PEX14: variants seen among roughly 807,000 people sequenced by gnomAD.
PEX14 encodes the protein peroxisomal membrane protein PEX14.
A neutral mutation model predicts 49.5 loss-of-function variants in PEX14; 15 were observed. The ratio of observed to expected loss-of-function variants is 0.30; its 90% confidence interval spans 0.20 to 0.47. The LOEUF is 0.47. Among genes scored for constraint, PEX14 ranks in the 20% least tolerant of loss-of-function variants. PEX14 has a pLI of 1.00. For missense variants in PEX14, 398 were observed against 494.8 expected (o/e 0.80, Z 1.86); for synonymous variants, 210 against 212.7 (o/e 0.99, Z 0.11).
At chr1:10,562,609 G>T (rs1449030456) in intron 3 of PEX14, among the ~76,000 whole-genome samples, 1 of 152,162 alleles carries the variant, frequency 6.6e-6, no homozygotes, top group African/African-American at 2.4e-5. Context: ...GTGGTATTGT[G>T]TCTTTCCGGC....
Position 10,560,718 on chromosome 1 carries a change from C to CTTTTTT in PEX14, c.169+24433_169+24438dup, listed in dbSNP as rs34964492. ...TTCTTAGTTGTTAACATTTTGCCACCTTTTTTTTTTTTTTTTTGAGACGGA... is the reference window on the plus strand; with the variant it reads ...TTCTTAGTTGTTAACATTTTGCCACCTTTTTTTTTTTTTTTTTTTTTTTGAGACGGA... On this transcript the variant is annotated intron_variant, in intron 3 of 8. Coordinates refer to ENST00000356607, the MANE Select transcript of PEX14 (RefSeq NM_004565.3). 1.5e-4 allele frequency among the ~76,000 whole-genome samples: 20 copies of CTTTTTT among 129,090 alleles called. 3 individuals are homozygous for CTTTTTT. Among genetic ancestry groups the CTTTTTT allele is most frequent in the South Asian group, 2.5e-4 (1 of 3,984 alleles). 84.7% of individuals were successfully genotyped at this position (129,090 alleles called of 152,430 possible). A position where few individuals can be genotyped will look rare whatever the true frequency, so the allele number is the denominator to read the frequency against.
At chr1:10,576,073 G>A (rs1425091217) in intron 3 of PEX14, among the ~76,000 whole-genome samples, 1 of 152,000 alleles carries the variant, frequency 6.6e-6, no homozygotes, top group African/African-American at 2.4e-5. Context: ...ATTTTCTATT[G>A]GGATATTAGT....
At chr1:10,575,221 T>TA (rs1640087832) in intron 3 of PEX14, among the ~76,000 whole-genome samples, 2 of 152,264 alleles carry the variant, frequency 1.3e-5, no homozygotes, top group South Asian at 4.1e-4. Context: ...GAAGATGCAA[T>TA]AATCATGCAA....
Position 10,542,702 on chromosome 1 carries a change from A to G in PEX14, c.169+6405A>G, listed in dbSNP as rs1169333216. 2.0e-5 allele frequency among the ~76,000 whole-genome samples: 3 copies of G among 151,790 alleles called. No homozygotes were observed. The East Asian group carries it at 5.9e-4, about 30-fold the overall frequency. ...CTTTAACCCGGGAGACAAAGGTTGC[A>G]GTGAGCCGAGATCGTGTCACCGCAC... On this transcript the variant is annotated intron_variant, in intron 3 of 8. Coordinates refer to ENST00000356607, the MANE Select transcript of PEX14 (RefSeq NM_004565.3).
intron 7 of PEX14, 31 bp from the exon 8 acceptor site, chr1:10,627,241 C>T (rs773505831): frequency 1.4e-5 from 21 of 1,540,984 alleles, no homozygotes; most frequent in South Asian, 4.5e-5. Context: ...GCAAGGCGCC[C>T]GCCCTGAGCC....
chr1:10,538,585 G>A (rs1023432364), intron 3 of PEX14, among the ~76,000 whole-genome samples: 1 of 152,224 alleles, frequency 6.6e-6, no homozygotes, highest in African/African-American at 2.4e-5. Flanking sequence ...TCCAAGGTTT[G>A]ATCGGTGTCT....
intron 2 of PEX14, among the ~76,000 whole-genome samples, chr1:10,530,159 C>T (rs1278934978): frequency 1.3e-5 from 2 of 152,128 alleles, no homozygotes; most frequent in African/African-American, 2.4e-5. Context: ...AAAATTGCCT[C>T]TTGGTTTTGT....
At chr1:10,553,334 C>G (rs527306342) in intron 3 of PEX14, among the ~76,000 whole-genome samples, 4 of 152,022 alleles carry the variant, frequency 2.6e-5, no homozygotes, top group Non-Finnish European at 5.9e-5. Context: ...AAAGAGTAGA[C>G]CAGGAGTGAG....
In PEX14 at chr1:10,624,493, T is replaced by TCACTCTTG. The variant is rs1641689509; in HGVS notation, c.585+57_585+64dup. 2.5e-6 allele frequency: 3 copies of TCACTCTTG among 1,190,984 alleles called. No individual in the cohort carries two copies. The Admixed American group carries it at 5.1e-5, about 20-fold the overall frequency. 73.8% of individuals were successfully genotyped at this position (1,190,984 alleles called of 1,614,324 possible). The stretch of plus-strand genomic sequence containing the variant: ...GGCCCAGGTCTGTCCCATGTGCCCT[T>TCACTCTTG]CACTCTTGTCCCTTGGGCCGGGCTT... On this transcript the variant is annotated intron_variant, in intron 7 of 8. Transcript: ENST00000356607.
chr1:10,510,170 G>A (rs950782333), intron 2 of PEX14, among the ~76,000 whole-genome samples: 1 of 152,118 alleles, frequency 6.6e-6, no homozygotes, highest in Non-Finnish European at 1.5e-5. Context: ...TGCATCACAC[G>A]GCTCCCTGGT....
intron 3 of PEX14, among the ~76,000 whole-genome samples, chr1:10,585,228 C>T (rs933137774): frequency 2.0e-5 from 3 of 152,060 alleles, no homozygotes; most frequent in South Asian, 2.1e-4. Flanking sequence ...GTGTCTTTTC[C>T]GAGCTATTTA....
chr1:10,542,854 T>C (rs1286904888), intron 3 of PEX14, among the ~76,000 whole-genome samples: 1 of 152,208 alleles, frequency 6.6e-6, no homozygotes, highest in African/African-American at 2.4e-5. Flanking sequence ...AATGGCCCAA[T>C]GAATATTCTT....
At chr1:10,511,735 T>C (rs541467611) in intron 2 of PEX14, among the ~76,000 whole-genome samples, 1 of 152,224 alleles carries the variant, frequency 6.6e-6, no homozygotes, top group Non-Finnish European at 1.5e-5. Context: ...CTCTGACTTC[T>C]GTGGCCTGTG....
chr1:10,581,986 A>G (rs1417374274), intron 3 of PEX14, among the ~76,000 whole-genome samples: 1 of 133,418 alleles, frequency 7.5e-6, no homozygotes, highest in Non-Finnish European at 1.6e-5. Context: ...TTTATGTACT[A>G]TATCTTGCCA....
Position 10,629,393 on chromosome 1 carries a change from C to A in PEX14, c.678-138C>A, listed in dbSNP as rs1223820340. 4 of 699,408 alleles carry A rather than the reference C, an allele frequency of 5.7e-6. No homozygotes were observed. Among genetic ancestry groups the A allele is most frequent in the African/African-American group, 1.7e-5 (1 of 57,238 alleles). The allele number at this position is 699,408 out of a possible 1,614,324, so 43.3% of individuals were successfully genotyped here. ...TCCTGAAAGGAGGGGTGGAAGGGCT[C>A]CATCCTGTCCCTTGCCCAGTGTCCC... On this transcript the variant is annotated intron_variant, in intron 8 of 8. Coordinates refer to ENST00000356607, the MANE Select transcript of PEX14 (RefSeq NM_004565.3). This position sits in a 1 kb window ranked among gnomAD's most constrained non-coding sequence, Gnocchi z 8.5.
intron 3 of PEX14, among the ~76,000 whole-genome samples, chr1:10,574,781 G>T (rs1199868431): frequency 6.6e-6 from 1 of 152,140 alleles, no homozygotes; most frequent in African/African-American, 2.4e-5. Flanking sequence ...TGAAAATAAG[G>T]GATGGGCTGG....
In PEX14 at chr1:10,629,332, C is replaced by A. The variant is rs967762430; in HGVS notation, c.678-199C>A. Among the ~76,000 whole-genome samples, 1 of 152,200 alleles carries A rather than the reference C, an allele frequency of 6.6e-6. No homozygotes were observed. Among genetic ancestry groups the A allele is most frequent in the Non-Finnish European group, 1.5e-5 (1 of 68,024 alleles). The stretch of plus-strand genomic sequence containing the variant: ...CTGGGCTGTCTGTGGGGGCACAGGA[C>A]CCGCTTGGCATCTATCTCAGCTGTA... On this transcript the variant is annotated intron_variant, in intron 8 of 8. Coordinates refer to ENST00000356607, the MANE Select transcript of PEX14 (RefSeq NM_004565.3). This position sits in a 1 kb window ranked among gnomAD's most constrained non-coding sequence, Gnocchi z 8.5.
intron 1 of PEX14, among the ~76,000 whole-genome samples, chr1:10,476,516 C>T (rs1340683437): frequency 2.0e-5 from 3 of 152,068 alleles, no homozygotes; most frequent in Non-Finnish European, 4.4e-5. Flanking sequence ...TTTTTTCTTT[C>T]TTAAGACGGA....
chr1:10,532,098 G>C (rs1030715732), intron 2 of PEX14, among the ~76,000 whole-genome samples: 1 of 152,072 alleles, frequency 6.6e-6, no homozygotes, highest in African/African-American at 2.4e-5. Flanking sequence ...TACAAATCCT[G>C]CTCTCTCAAA....
Sources: gnomAD v4.1 joint callset for allele counts (sites outside exome capture counted in the v4.1 genomes callset) on GRCh38, gnomAD v4.1.1 for gene constraint, Gnocchi (gnomAD v3.1) non-coding constraint, MANE v1.5 for transcripts, NCBI Gene and HGNC (gene_info 2026-07-23, HGNC 2026-07-21) for gene names.